Variants in ALMS1 observed in about 807,000 individuals in gnomAD.
ALMS1 encodes ALMS1 centrosome and basal body associated protein, also known as centrosome-associated protein ALMS1.
A neutral mutation model predicts 352.2 loss-of-function variants in ALMS1; 271 were observed. The ratio of observed to expected loss-of-function variants is 0.77; its 90% CI spans 0.70 to 0.85. ALMS1 has a LOEUF of 0.85. Among genes scored for constraint, ALMS1 ranks in the 40% least tolerant of loss-of-function variants. ALMS1 has a pLI of 0.00. For missense variants in ALMS1, 5,445 were observed against 4,870.7 expected (o/e 1.12, Z -3.51); for synonymous variants, 1,865 against 1,761.2 (o/e 1.06, Z -1.48).
chr2:73,556,720 T>A (rs1674552367), intron 13 of ALMS1, among the ~76,000 whole-genome samples: 1 of 152,086 alleles, frequency 6.6e-6, no homozygotes, highest in Non-Finnish European at 1.5e-5. Flanking sequence ...ATTTTATTTT[T>A]TTGAGACAGA....
intron 2 of ALMS1, among the ~76,000 whole-genome samples, chr2:73,416,917 G>A (rs991901806): frequency 5.3e-5 from 8 of 152,164 alleles, no homozygotes; most frequent in African/African-American, 1.9e-4. Flanking sequence ...GGGCAACATA[G>A]TGAGACCCCT....
At chr2:73,601,122 T>A in intron 18 of ALMS1, 73 bp from the exon 19 acceptor site, 2 of 1,604,666 alleles carry the variant, frequency 1.2e-6, no homozygotes, top group Non-Finnish European at 1.7e-6. Context: ...TATATGCATA[T>A]CCTGGATAAG....
At position 73,557,361 on chromosome 2, in the gene ALMS1, A is replaced by G. The variant is rs1553416882; in HGVS notation, c.10213+7A>G. 1.2e-6 allele frequency: 2 copies of G among 1,614,084 alleles called. No individual in the cohort carries two copies. The highest frequency in any genetic ancestry group is 1.7e-6 in the Non-Finnish European group (2 of 1,179,962). ...TTGCAGAAAGATACTGCAGGTAGCTAAACTGGATTGTCTGCGTATTATTTT... is the reference window on the plus strand; with the variant it reads ...TTGCAGAAAGATACTGCAGGTAGCTGAACTGGATTGTCTGCGTATTATTTT... On this transcript the variant is annotated splice_region_variant and intron_variant, in intron 14 of 22. Transcript: ENST00000613296.
intron 8 of ALMS1, among the ~76,000 whole-genome samples, chr2:73,454,766 T>G (rs1466232418): frequency 1.3e-5 from 2 of 152,190 alleles, no homozygotes; most frequent in Non-Finnish European, 2.9e-5. Context: ...CCTACGCTGT[T>G]CCCTGCACAT....
chr2:73,489,531 G>A, intron 9 of ALMS1, 103 bp from the exon 10 acceptor site: 14 of 1,321,638 alleles, frequency 1.1e-5, no homozygotes, highest in Non-Finnish European at 1.4e-5. Context: ...TGACCTTCAT[G>A]GTCTAATCTT....
At chr2:73,519,471 T>C (rs1673627124) in intron 10 of ALMS1, among the ~76,000 whole-genome samples, 1 of 152,326 alleles carries the variant, frequency 6.6e-6, no homozygotes, top group East Asian at 1.9e-4. Flanking sequence ...GGTGGACATC[T>C]AGTAATTTAA....
chr2:73,485,760 G>A (rs989178218), intron 9 of ALMS1, among the ~76,000 whole-genome samples: 1 of 152,176 alleles, frequency 6.6e-6, no homozygotes, highest in South Asian at 2.1e-4. Flanking sequence ...AGCCAGGTGC[G>A]GGGTATAATC....
intron 9 of ALMS1, among the ~76,000 whole-genome samples, chr2:73,464,713 A>G (rs1169368202): frequency 6.6e-6 from 1 of 152,202 alleles, no homozygotes; most frequent in Non-Finnish European, 1.5e-5. Flanking sequence ...TCTCAGCCCA[A>G]AATCTCCTTA....
At position 73,557,222 on chromosome 2, in the gene ALMS1, G is replaced by T. The variant is rs770904502; in HGVS notation, c.10081G>T (p.Ala3361Ser). 9.3e-6 allele frequency: 15 copies of T among 1,614,072 alleles called. No individual in the cohort carries two copies. In the South Asian group the frequency reaches 1.6e-4, roughly 18 times the overall value. ...EKPLQNENAD[A>S]SVQVLITGDE... ...ATCAAATGATGTCGTTATTCCAGAT[G>T]CCTCAGTTCAAGTGCTAATCACTGG... is the stretch of plus-strand genomic sequence containing the variant. Residue 3361 changes from alanine to serine, a missense_variant and splice_region_variant, in exon 14 of 23, where the codon GCC (alanine) becomes TCC (serine). Transcript: ENST00000613296.
At chr2:73,552,543 C>T (rs1341906084) in intron 13 of ALMS1, among the ~76,000 whole-genome samples, 1 of 152,198 alleles carries the variant, frequency 6.6e-6, no homozygotes, top group East Asian at 1.9e-4. Flanking sequence ...TTACCTCACT[C>T]CCAGGCTTCA....
intron 15 of ALMS1, among the ~76,000 whole-genome samples, chr2:73,560,660 G>A (rs1403510328): frequency 6.6e-6 from 1 of 152,132 alleles, no homozygotes; most frequent in Non-Finnish European, 1.5e-5. Flanking sequence ...TCCATCAACA[G>A]ATGAATGTAT....
rs758046780 is a variant in ALMS1, at chr2:73,550,347, A to G, written c.9988A>G (p.Ile3330Val). The change falls in exon 13 of 23, where the codon ATT becomes GTT. Residue 3330 changes from isoleucine (I) to valine (V), a missense_variant. By Grantham distance (29) the Ile-to-Val change is conservative. Coordinates refer to ENST00000613296, the MANE Select transcript of ALMS1 (RefSeq NM_001378454.1). ...TGATGACCTCTCAGCCACTGTTAACATTAAACATAAAGAAGGAATCTACAG... is the reference window on the plus strand; with the variant it reads ...TGATGACCTCTCAGCCACTGTTAACGTTAAACATAAAGAAGGAATCTACAG... ...RDDDLSATVN[I>V]KHKEGIYSKR... The G allele has an allele frequency of 3.1e-6, 5 of 1,614,098 alleles. No homozygotes were observed. The South Asian group carries it at 5.5e-5, about 18-fold the overall frequency.
intron 10 of ALMS1, among the ~76,000 whole-genome samples, chr2:73,514,233 G>T: frequency 6.6e-6 from 1 of 151,796 alleles, no homozygotes; most frequent in East Asian, 1.9e-4. Flanking sequence ...TATAATTATT[G>T]AGCTAGTTGA....
chr2:73,493,758 T>G (rs1340631862), intron 10 of ALMS1, among the ~76,000 whole-genome samples: 1 of 152,148 alleles, frequency 6.6e-6, no homozygotes, highest in African/African-American at 2.4e-5. Flanking sequence ...TATAAAATAT[T>G]TATAAAGTAT....
intron 12 of ALMS1, among the ~76,000 whole-genome samples, chr2:73,540,418 C>T (rs1481326848): frequency 6.6e-6 from 1 of 151,928 alleles, no homozygotes; most frequent in Admixed American, 6.6e-5. Context: ...CAAAAACATG[C>T]CAAATTGTAA....
Position 73,419,183 on chromosome 2 carries a change from T to C in ALMS1, c.511T>C (p.Ser171Pro). The change falls in exon 3 of 23, where the codon TCC becomes CCC. Residue 171 changes from serine to proline, a missense_variant. By Grantham distance (74) the Ser-to-Pro change is moderately conservative. Coordinates refer to ENST00000613296, the MANE Select transcript of ALMS1 (RefSeq NM_001378454.1). ...EMDSSQTLDT[S>P]QTRFNVRTED... Reference sequence around the variant, plus strand: ...GGACTCTTCCCAAACCTTGGATACATCCCAGACTAGGTTTAATGTGAGAAC... The same window carrying C: ...GGACTCTTCCCAAACCTTGGATACACCCCAGACTAGGTTTAATGTGAGAAC... 6.2e-7 allele frequency: 1 copy of C among 1,614,050 alleles called. No homozygotes were observed. Among genetic ancestry groups the C allele is most frequent in the Non-Finnish European group, 8.5e-7 (1 of 1,179,928 alleles).
chr2:73,523,901 T>A (rs1233591759), intron 11 of ALMS1, among the ~76,000 whole-genome samples: 2 of 152,044 alleles, frequency 1.3e-5, no homozygotes, highest in Non-Finnish European at 2.9e-5. Flanking sequence ...CATCTAGAAA[T>A]GGTTACAGGA....
At chr2:73,495,832 C>T (rs1041218320) in intron 10 of ALMS1, among the ~76,000 whole-genome samples, 7 of 152,002 alleles carry the variant, frequency 4.6e-5, no homozygotes, top group African/African-American at 1.5e-4. Context: ...TCTCTAATAG[C>T]GATAAAACTG....
chr2:73,386,035 C>T lies in ALMS1; in HGVS notation c.167C>T (p.Ser56Phe). 1 of 1,563,096 alleles carries T rather than the reference C, an allele frequency of 6.4e-7. No individual in the cohort carries two copies. The highest frequency in any genetic ancestry group is 1.2e-5 in the South Asian group (1 of 84,932). The change falls in exon 1 of 23, where the codon TCC becomes TTC. Residue 56 changes from serine (S) to phenylalanine (F), a missense_variant. Ser to Phe is a radical substitution (Grantham distance 155, BLOSUM62 -2). Coordinates refer to ENST00000613296, the MANE Select transcript of ALMS1 (RefSeq NM_001378454.1). The stretch of plus-strand genomic sequence containing the variant: ...GAAGAGGCGGGGCGGGAGTTGGACT[C>T]CGACTCTCACTACGGGCCCCAGCAT... ...VEEEAGRELD[S>F]DSHYGPQHLE...
Sources: allele counts gnomAD v4.1 joint callset (sites outside exome capture counted in the v4.1 genomes callset), GRCh38; gene constraint gnomAD v4.1.1; transcripts MANE v1.5; gene names NCBI Gene and HGNC (gene_info 2026-07-23, HGNC 2026-07-21).